Variants in DDR2 observed in about 807,000 individuals in gnomAD.
The protein encoded by DDR2 is discoidin domain receptor tyrosine kinase 2, also known as discoidin domain-containing receptor 2.
A neutral mutation model predicts 94.9 loss-of-function variants in DDR2; 27 were observed. The ratio of observed to expected loss-of-function variants is 0.28; its 90% CI spans 0.21 to 0.39. The LOEUF (loss-of-function observed/expected upper bound fraction) is 0.39. Ranked by LOEUF, DDR2 falls within the 10% of genes least tolerant of loss-of-function variation. DDR2 has a pLI of 1.00. For synonymous variants in DDR2, 382 were observed against 377.2 expected (o/e 1.01, Z -0.15); for missense variants, 783 against 1,076.0 (o/e 0.73, Z 3.81).
At chr1:162,686,212 AATTTT>A (rs1163365984) in intron 2 of DDR2, among the ~76,000 whole-genome samples, 1 of 151,670 alleles carries the variant, frequency 6.6e-6, no homozygotes, top group Admixed American at 6.6e-5. Context: ...TTTTTTTTTA[AATTTT>A]ATTTTAAGTT....
At chr1:162,765,567 C>T (rs573925728) in intron 9 of DDR2, among the ~76,000 whole-genome samples, 21 of 151,964 alleles carry the variant, frequency 1.4e-4, no homozygotes, top group African/African-American at 4.3e-4. Context: ...AGGGCTAGGC[C>T]GATGAGGCAT....
chr1:162,752,749 G>C (rs1663275720), intron 3 of DDR2, among the ~76,000 whole-genome samples: 1 of 152,216 alleles, frequency 6.6e-6, no homozygotes, highest in African/African-American at 2.4e-5. Flanking sequence ...AAATTGATTA[G>C]AAGTAAACAT....
At chr1:162,755,525 TC>T in intron 6 of DDR2, 138 bp from the exon 7 acceptor site, 1 of 1,018,368 alleles carries the variant, frequency 9.8e-7, no homozygotes, top group Non-Finnish European at 1.5e-6. Flanking sequence ...GGAGGGGCAC[TC>T]CTCCAAAGTC....
At chr1:162,648,057 CTTT>C (rs34938100) in intron 1 of DDR2, among the ~76,000 whole-genome samples, 19 of 142,550 alleles carry the variant, frequency 1.3e-4, no homozygotes, top group Admixed American at 7.0e-5. Flanking sequence ...AGGTTTTTTC[CTTT>C]TTTTTTTTTT....
intron 2 of DDR2, among the ~76,000 whole-genome samples, chr1:162,672,965 G>C (rs1253660056): frequency 6.6e-6 from 1 of 152,052 alleles, no homozygotes; most frequent in African/African-American, 2.4e-5. Context: ...ATAGTGCCAG[G>C]AACTTCAGGT....
chr1:162,758,785 C>T (rs950075882), intron 7 of DDR2, among the ~76,000 whole-genome samples: 7 of 152,182 alleles, frequency 4.6e-5, no homozygotes, highest in African/African-American at 1.7e-4. Flanking sequence ...CTCTAAACCT[C>T]AAGGGTCACA....
At chr1:162,702,777 T>C (rs1055605767) in intron 2 of DDR2, among the ~76,000 whole-genome samples, 1 of 152,194 alleles carries the variant, frequency 6.6e-6, no homozygotes, top group African/African-American at 2.4e-5. Flanking sequence ...TCAGGGAGAA[T>C]ATTTGGCTCA....
intron 7 of DDR2, among the ~76,000 whole-genome samples, chr1:162,756,479 C>T (rs901984127): frequency 6.6e-6 from 1 of 152,212 alleles, no homozygotes; most frequent in East Asian, 1.9e-4. Context: ...TACTGTTTCA[C>T]TTCAAGCCTT....
chr1:162,653,110 ACAAACAAG>A (rs1189998975), intron 1 of DDR2, among the ~76,000 whole-genome samples: 1 of 2,406 alleles, frequency 4.2e-4, no homozygotes, highest in Admixed American at 0.033. Context: ...GTCTTAAAAA[ACAAACAAG>A]CAAACAAACA....
intron 2 of DDR2, among the ~76,000 whole-genome samples, chr1:162,672,298 TA>T (rs151043002): frequency 9.9e-5 from 15 of 152,248 alleles, no homozygotes; most frequent in Admixed American, 2.0e-4. Context: ...GTAGTGCTTA[TA>T]AAAAAAAGTC....
intron 2 of DDR2, among the ~76,000 whole-genome samples, chr1:162,667,524 C>G (rs1361339064): frequency 6.6e-6 from 1 of 152,136 alleles, no homozygotes; most frequent in African/African-American, 2.4e-5. Context: ...GGCAGTCACA[C>G]TAAATTGTAG....
At chr1:162,763,126 C>T (rs997064580) in intron 9 of DDR2, among the ~76,000 whole-genome samples, 9 of 148,632 alleles carry the variant, frequency 6.1e-5, no homozygotes, top group Non-Finnish European at 8.9e-5. Context: ...CATGAGCCAC[C>T]GTGTCTGGCC....
chr1:162,777,087 G>T (rs149725004), intron 16 of DDR2, among the ~76,000 whole-genome samples: 43 of 152,144 alleles, frequency 2.8e-4, no homozygotes, highest in Middle Eastern at 3.4e-3. Context: ...TGATTAATCT[G>T]CTTATTTCCT....
At chr1:162,715,953 A>G (rs1240954939) in intron 2 of DDR2, among the ~76,000 whole-genome samples, 1 of 152,204 alleles carries the variant, frequency 6.6e-6, no homozygotes, top group Non-Finnish European at 1.5e-5. Context: ...AAATTAGTCA[A>G]CATTTTTTGA....
chr1:162,768,192 T>A (rs1223041142), intron 11 of DDR2, among the ~76,000 whole-genome samples: 1 of 152,232 alleles, frequency 6.6e-6, no homozygotes, highest in Non-Finnish European at 1.5e-5. Flanking sequence ...CAAAACTATA[T>A]TCATTTCATC....
At chr1:162,736,479 A>C (rs1159109500) in intron 3 of DDR2, among the ~76,000 whole-genome samples, 1 of 152,200 alleles carries the variant, frequency 6.6e-6, no homozygotes, top group East Asian at 1.9e-4. Flanking sequence ...TTACTCAAGG[A>C]ATGGCCTTTG....
chr1:162,645,988 T>C (rs1657387485), intron 1 of DDR2, among the ~76,000 whole-genome samples: 1 of 152,186 alleles, frequency 6.6e-6, no homozygotes, highest in South Asian at 2.1e-4. Flanking sequence ...GCACATCTGC[T>C]CACAGCGTGA....
At chr1:162,756,710 T>C (rs575631447) in intron 7 of DDR2, among the ~76,000 whole-genome samples, 50 of 152,320 alleles carry the variant, frequency 3.3e-4, no homozygotes, top group African/African-American at 1.2e-3. Context: ...ACTATTGCCC[T>C]CTAGCTGCCA....
At chr1:162,699,350 C>CT (rs75062905) in intron 2 of DDR2, among the ~76,000 whole-genome samples, 7,278 of 152,236 alleles carry the variant, frequency 0.048, 264 homozygotes, top group East Asian at 0.15. Context: ...TTTACATCTC[C>CT]TTTTTCCAAT....
Sources: allele counts gnomAD v4.1 joint callset (sites outside exome capture counted in the v4.1 genomes callset), GRCh38; gene constraint gnomAD v4.1.1; transcripts MANE v1.5; gene names NCBI Gene and HGNC (gene_info 2026-07-23, HGNC 2026-07-21).